Variants in BRCA2 observed in about 807,000 individuals in gnomAD.
The protein encoded by BRCA2 is BRCA2 DNA repair associated, also known as breast cancer type 2 susceptibility protein.
A neutral mutation model predicts 276.7 loss-of-function variants in BRCA2; 203 were observed. The observed-to-expected ratio is 0.73, with a 90% CI of 0.65 to 0.82. The LOEUF (loss-of-function observed/expected upper bound fraction) is 0.82, where lower values mean the gene tolerates loss of function less well. BRCA2 is among the 40% of genes least tolerant of loss of function. BRCA2 has a pLI of 0.00. For missense variants in BRCA2, 3,920 were observed against 3,915.0 expected (o/e 1.00, Z -0.03); for synonymous variants, 1,289 against 1,338.4 (o/e 0.96, Z 0.81).
intron 15 of BRCA2, 152 bp downstream of exon 15, chr13:32,356,761 T>C: frequency 2.1e-6 from 2 of 960,384 alleles, no homozygotes; most frequent in African/African-American, 1.6e-5. Context: ...TAGCCTGCAG[T>C]GGCAGCCTCT....
At chr13:32,356,390 T>G in intron 14 of BRCA2, 38 bp from the exon 15 acceptor site, 1 of 1,600,352 alleles carries the variant, frequency 6.2e-7, no homozygotes, top group Non-Finnish European at 8.6e-7. Context: ...CTTTTTAAAT[T>G]TCAATTTTAT....
At chr13:32,343,137 A>G (rs1391993355) in intron 11 of BRCA2, among the ~76,000 whole-genome samples, 2 of 152,048 alleles carry the variant, frequency 1.3e-5, no homozygotes, top group African/African-American at 4.8e-5. Flanking sequence ...AAATGTCATT[A>G]TGTGGCAAAT....
At chr13:32,322,726 A>G in intron 3 of BRCA2, among the ~76,000 whole-genome samples, 1 of 152,216 alleles carries the variant, frequency 6.6e-6, no homozygotes. Flanking sequence ...CCCAACAGCA[A>G]TATGTGTTTA....
chr13:32,356,111 C>T (rs1187197951), intron 14 of BRCA2, among the ~76,000 whole-genome samples: 14 of 150,992 alleles, frequency 9.3e-5, no homozygotes, highest in African/African-American at 2.9e-4. Context: ...GGTGCAACCT[C>T]GGCTCACCGC....
Position 32,332,935 on chromosome 13 carries a change from A to C in BRCA2, c.1457A>C (p.Gln486Pro), listed in dbSNP as rs757735681. The change falls in exon 10 of 27, where the codon CAG becomes CCG. Residue 486 changes from glutamine (Q) to proline (P), a missense_variant. By Grantham distance (76) the Gln-to-Pro change is moderately conservative. Around this residue, in one of 2 missense-constraint regions of BRCA2, gnomAD observed 3,263 missense variants for 3,156.9 expected, o/e 1.03. Transcript: ENST00000380152. ...ACAGACTGCATTCTTGCAGTAAAGCAGGCAATATCTGGAACTTCTCCAGTG... is the reference window on the plus strand; with the variant it reads ...ACAGACTGCATTCTTGCAGTAAAGCCGGCAATATCTGGAACTTCTCCAGTG... ...SHTDCILAVK[Q>P]AISGTSPVAS... 1 of 1,607,708 alleles carries C rather than the reference A, an allele frequency of 6.2e-7. No individual in the cohort carries two copies. The highest frequency in any genetic ancestry group is 8.5e-7 in the Non-Finnish European group (1 of 1,178,514).
At chr13:32,363,041 T>A (rs2072751979) in intron 17 of BRCA2, 138 bp from the exon 18 acceptor site, 2 of 784,696 alleles carry the variant, frequency 2.5e-6, no homozygotes, top group Non-Finnish European at 2.0e-6. Flanking sequence ...AACAATATAT[T>A]CCTAGCTACA....
At chr13:32,334,126 G>T (rs1438227054) in intron 10 of BRCA2, among the ~76,000 whole-genome samples, 2 of 152,106 alleles carry the variant, frequency 1.3e-5, no homozygotes, top group Non-Finnish European at 2.9e-5. Flanking sequence ...CTTCCTTTGG[G>T]TATATACCCC....
chr13:32,385,222 C>T (rs568584076), intron 24 of BRCA2: 22 of 193,222 alleles, frequency 1.1e-4, no homozygotes, highest in Middle Eastern at 2.6e-3. Context: ...CGCCTGTCGC[C>T]TGGATGGCTT....
rs1176477573 is a variant in BRCA2 at position 32,326,421 on chromosome 13, TAAAG to T, written c.517-76_517-73del. 5.7e-5 allele frequency: 83 copies of T among 1,445,732 alleles called. 2 individuals carry two copies. The Middle Eastern group carries it at 7.0e-4, about 12-fold the overall frequency. 89.6% of individuals were successfully genotyped at this position (1,445,732 alleles called of 1,614,324 possible). A position where few individuals can be genotyped will look rare whatever the true frequency, so the allele number is the denominator to read the frequency against. The stretch of plus-strand genomic sequence containing the variant: ...GCAATTCAGTAAACGTTAAGTGAAA[TAAAG>T]AGTGAATGAAAAAATAATATCCTTA... On this transcript the variant is annotated intron_variant, in intron 6 of 26. Coordinates refer to ENST00000380152, the MANE Select transcript of BRCA2 (RefSeq NM_000059.4).
intron 10 of BRCA2, 152 bp downstream of exon 10, chr13:32,333,539 A>G (rs2072426940): frequency 1.1e-6 from 1 of 890,496 alleles, no homozygotes; most frequent in South Asian, 1.8e-5. Context: ...TTTAATTACC[A>G]GTGTTTAGAA....
chr13:32,398,547 C>T lies in BRCA2; in HGVS notation c.10034C>T (p.Ala3345Val), dbSNP rs1593202201. The change falls in exon 27 of 27, where the codon GCA becomes GTA. Residue 3345 changes from alanine to valine, a missense_variant. Coordinates refer to ENST00000380152, the MANE Select transcript of BRCA2 (RefSeq NM_000059.4). ...ESNSIADEELALINTQALLSG... is the reference protein window; with the variant it reads ...ESNSIADEELVLINTQALLSG... ...AATTCAATAGCTGACGAAGAACTTG[C>T]ATTGATAAATACCCAAGCTCTTTTG... 1 of 1,614,128 alleles carries T rather than the reference C, an allele frequency of 6.2e-7. No individual in the cohort carries two copies. Among genetic ancestry groups the T allele is most frequent in the Non-Finnish European group, 8.5e-7 (1 of 1,179,998 alleles).
intron 14 of BRCA2, among the ~76,000 whole-genome samples, chr13:32,356,122 A>G (rs921169036): frequency 6.6e-6 from 1 of 150,938 alleles, no homozygotes; most frequent in African/African-American, 2.4e-5. Context: ...GGCTCACCGC[A>G]ACCTCCTCCT....
At position 32,362,619 on chromosome 13, in the gene BRCA2, G is replaced by A. The variant is rs1483170360; in HGVS notation, c.7902G>A (p.Met2634Ile). 1 of 1,614,202 alleles carries A rather than the reference G, an allele frequency of 6.2e-7. No homozygotes were observed. The highest frequency in any genetic ancestry group is 1.1e-5 in the South Asian group (1 of 91,080). Residue 2634 changes from methionine (M) to isoleucine (I), a missense_variant, in exon 17 of 27, where the codon ATG becomes ATA. Physicochemically the swap from Met to Ile is conservative, Grantham distance 10. Transcript: ENST00000380152. The part of the protein sequence containing the change: ...YRWIIWKLAA[M>I]ECAFPKEFAN... ...GGATCATATGGAAACTGGCAGCTAT[G>A]GAATGTGCCTTTCCTAAGGAATTTG... is the stretch of plus-strand genomic sequence containing the variant.
At chr13:32,356,735 C>A (rs1046063215) in intron 15 of BRCA2, 126 bp downstream of exon 15, 31 of 1,205,864 alleles carry the variant, frequency 2.6e-5, no homozygotes, top group Non-Finnish European at 3.3e-5. Flanking sequence ...TGAATGAAAT[C>A]ATCATATTTT....
chr13:32,320,624 A>G (rs2072300272), intron 3 of BRCA2, among the ~76,000 whole-genome samples: 1 of 152,220 alleles, frequency 6.6e-6, no homozygotes, highest in Non-Finnish European at 1.5e-5. Flanking sequence ...TGAAGGAGAC[A>G]TACATAAGCA....
intron 20 of BRCA2, among the ~76,000 whole-genome samples, chr13:32,375,791 C>G (rs1379068270): frequency 6.6e-6 from 1 of 152,108 alleles, no homozygotes; most frequent in Non-Finnish European, 1.5e-5. Flanking sequence ...AACTCCGGAC[C>G]TCAGGTGATC....
Position 32,339,050 on chromosome 13 carries a change from G to A in BRCA2, c.4695G>A (p.Lys1565=), listed in dbSNP as rs587782522. 1 of 1,614,008 alleles carries A rather than the reference G, an allele frequency of 6.2e-7. No homozygotes were observed. The highest frequency in any genetic ancestry group is 1.1e-5 in the South Asian group (1 of 91,078). The change falls in exon 11 of 27, where the codon AAG becomes AAA. Residue 1565 remains lysine, a synonymous_variant. Coordinates refer to ENST00000380152, the MANE Select transcript of BRCA2 (RefSeq NM_000059.4). ...CCAGTTTTAGCCATCAATGGGCAAA[G>A]ACCCTAAAGTACAGAGAGGCCTGTA... ...EITSFSHQWA[K]TLKYREACKD... is the part of the protein sequence containing the mutation.
intron 25 of BRCA2, among the ~76,000 whole-genome samples, 179 bp downstream of exon 25, chr13:32,395,112 C>T (rs1331027351): frequency 6.6e-6 from 1 of 152,044 alleles, no homozygotes; most frequent in Non-Finnish European, 1.5e-5. Context: ...ATGACAGCAA[C>T]TAGAAAGAGA....
At position 32,363,203 on chromosome 13, in the gene BRCA2, C is replaced by T. The variant is rs786201710; in HGVS notation, c.8001C>T (p.Ser2667=). The T allele has an allele frequency of 6.2e-7, 1 of 1,613,608 alleles. No homozygotes were observed. The highest frequency in any genetic ancestry group is 8.5e-7 in the Non-Finnish European group (1 of 1,179,924). The change falls in exon 18 of 27, where the codon AGC becomes AGT. Residue 2667 remains serine, a synonymous_variant. Transcript: ENST00000380152. ...GATATGATACGGAAATTGATAGAAG[C>T]AGAAGATCGGCTATAAAAAAGATAA... The part of the protein sequence containing the change: ...KYRYDTEIDR[S]RRSAIKKIME...
Sources: allele counts gnomAD v4.1 joint callset (sites outside exome capture counted in the v4.1 genomes callset), GRCh38; gene constraint gnomAD v4.1.1; regional missense constraint gnomAD v4.1.1; transcripts MANE v1.5; gene names NCBI Gene and HGNC (gene_info 2026-07-23, HGNC 2026-07-21).